The following NGEF variants were observed in gnomAD, a reference collection of about 807,000 sequenced individuals.
NGEF encodes neuronal guanine nucleotide exchange factor, also known as ephexin-1.
A neutral mutation model predicts 80.9 loss-of-function variants in NGEF; 31 were observed. The ratio of observed to expected loss-of-function variants is 0.38; its 90% confidence interval spans 0.29 to 0.52. The LOEUF (loss-of-function observed/expected upper bound fraction) is 0.52. NGEF is among the 20% of genes least tolerant of loss of function. The probability of loss-of-function intolerance (pLI) is 0.84; values close to 1 mark genes in which losing one functional copy is unlikely to be tolerated. For missense variants in NGEF, 709 were observed against 926.2 expected (o/e 0.77, Z 3.04); for synonymous variants, 371 against 370.2 (o/e 1.00, Z -0.03).
intron 5 of NGEF, among the ~76,000 whole-genome samples, chr2:232,907,860 G>A (rs906709677): frequency 2.0e-5 from 3 of 152,204 alleles, no homozygotes; most frequent in Admixed American, 6.5e-5. Context: ...TGTAATCCCC[G>A]CACTTTGGGA....
At chr2:232,976,378 C>T (rs1221686007) in intron 1 of NGEF, among the ~76,000 whole-genome samples, 1 of 152,118 alleles carries the variant, frequency 6.6e-6, no homozygotes, top group East Asian at 1.9e-4. Flanking sequence ...TCCACAGTCC[C>T]TCTGAGTTCC....
chr2:232,974,720 G>T lies in NGEF; in HGVS notation c.171C>A (p.Ile57=). The change falls in exon 2 of 15, where the codon ATC becomes ATA. Residue 57 remains isoleucine, a synonymous_variant. Transcript: ENST00000264051. ...TGAAGATGGAATTTCTCTTAATTGG[G>T]ATGTGGCAATGAGGCTCTTTGTCTT... ...DIQDKEPHCH[I]PIKRNSIFNR... is the part of the protein sequence containing the mutation. 2 of 1,614,246 alleles carry T rather than the reference G, an allele frequency of 1.2e-6. No individual in the cohort carries two copies. Among genetic ancestry groups the T allele is most frequent in the Admixed American group, 3.3e-5 (2 of 60,030 alleles).
At chr2:232,888,149 G>A (rs781040996) in intron 8 of NGEF, 42 bp from the exon 9 acceptor site, 2 of 1,478,610 alleles carry the variant, frequency 1.4e-6, no homozygotes, top group African/African-American at 2.8e-5. Context: ...ATCTTTTCTG[G>A]TCTTTCCTCC....
intron 3 of NGEF, among the ~76,000 whole-genome samples, chr2:232,951,947 G>A (rs776319492): frequency 1.3e-5 from 2 of 152,116 alleles, no homozygotes; most frequent in Admixed American, 6.5e-5. Flanking sequence ...CAGTGGAGAC[G>A]TTTCTGCCAC....
At chr2:232,921,176 G>A (rs757718776) in intron 4 of NGEF, among the ~76,000 whole-genome samples, 36 of 152,278 alleles carry the variant, frequency 2.4e-4, no homozygotes, top group South Asian at 4.1e-4. Flanking sequence ...ATTTGGGGGC[G>A]CAGCTGAATC....
chr2:232,910,694 T>C (rs1439424287), intron 5 of NGEF, among the ~76,000 whole-genome samples: 4 of 152,246 alleles, frequency 2.6e-5, no homozygotes, highest in Non-Finnish European at 5.9e-5. Flanking sequence ...AGGAGAGTTT[T>C]AGCAATGTTT....
At chr2:232,887,951 T>C (rs753984181) in intron 9 of NGEF, 82 bp downstream of exon 9, 169 of 1,022,894 alleles carry the variant, frequency 1.7e-4, no homozygotes, top group Non-Finnish European at 2.5e-4. Context: ...CACACGGACA[T>C]GTGGGGAGCA....
chr2:232,927,241 C>A, intron 3 of NGEF, 55 bp from the exon 4 acceptor site: 1 of 1,502,270 alleles, frequency 6.7e-7, no homozygotes, highest in Admixed American at 2.2e-5. Flanking sequence ...GGATTCACCT[C>A]GGCTGGCTAG....
At chr2:232,924,667 G>A (rs780033846) in intron 4 of NGEF, among the ~76,000 whole-genome samples, 9 of 152,196 alleles carry the variant, frequency 5.9e-5, no homozygotes, top group Non-Finnish European at 1.3e-4. Flanking sequence ...AGGAGGCAAA[G>A]CAGCCAGGTG....
chr2:232,955,962 C>T (rs1425887025), intron 3 of NGEF, among the ~76,000 whole-genome samples: 1 of 152,136 alleles, frequency 6.6e-6, no homozygotes, highest in Non-Finnish European at 1.5e-5. Flanking sequence ...GTTAGTTTGG[C>T]GTGTTTTTGA....
chr2:232,963,347 G>T (rs923986935), intron 3 of NGEF, among the ~76,000 whole-genome samples: 8 of 151,846 alleles, frequency 5.3e-5, no homozygotes, highest in Non-Finnish European at 1.2e-4. Flanking sequence ...AGATCTATAT[G>T]GACCATAGAC....
intron 1 of NGEF, chr2:233,012,824 T>C (rs1389153876): frequency 2.1e-6 from 1 of 470,830 alleles, no homozygotes; most frequent in Non-Finnish European, 4.4e-6. Flanking sequence ...GAAGAGCGCC[T>C]GGAAGGAGTC....
At chr2:232,992,989 G>GTA (rs142264252) in intron 1 of NGEF, among the ~76,000 whole-genome samples, 42,731 of 120,774 alleles carry the variant, frequency 0.35, 8,060 homozygotes, top group East Asian at 0.82. Context: ...CCTGCCTGAA[G>GTA]TATATATATA....
chr2:232,927,759 A>C, intron 3 of NGEF: 1 of 447,684 alleles, frequency 2.2e-6, no homozygotes. Context: ...CGGGGGTGGG[A>C]GTAGGGGCGG....
At chr2:232,919,829 C>A (rs1379682526) in intron 5 of NGEF, among the ~76,000 whole-genome samples, 2 of 152,154 alleles carry the variant, frequency 1.3e-5, no homozygotes, top group African/African-American at 4.8e-5. Context: ...TCAGAGACCC[C>A]ATTCATCCGA....
intron 3 of NGEF, among the ~76,000 whole-genome samples, chr2:232,930,695 A>G (rs1388515974): frequency 6.6e-6 from 1 of 151,512 alleles, no homozygotes; most frequent in Non-Finnish European, 1.5e-5. Context: ...ATCCACCCTC[A>G]TGGCCTTGCC....
At chr2:232,913,790 C>T (rs1342602114) in intron 5 of NGEF, among the ~76,000 whole-genome samples, 2 of 151,796 alleles carry the variant, frequency 1.3e-5, no homozygotes, top group African/African-American at 2.4e-5. Flanking sequence ...CGTGGTGGCA[C>T]GTGCCTGTAA....
In NGEF at chr2:232,976,133, G is replaced by T. The variant is rs898612149; in HGVS notation, c.-74-1169C>A. Among the ~76,000 whole-genome samples, 140 of 152,238 alleles carry T rather than the reference G, an allele frequency of 9.2e-4. 1 individual carries two copies. Among genetic ancestry groups the T allele is most frequent in the African/African-American group, 3.3e-3 (136 of 41,560 alleles). On this transcript the variant is annotated intron_variant, in intron 1 of 14. Transcript: ENST00000264051. Reference sequence around the variant, plus strand: ...GGAGAATCGCTTGAATCTGGGAGGTGGAGGTTGCCATAAGCAGAGATCTTG... The same window carrying T: ...GGAGAATCGCTTGAATCTGGGAGGTTGAGGTTGCCATAAGCAGAGATCTTG...
At chr2:232,993,672 C>T (rs926702183) in intron 1 of NGEF, among the ~76,000 whole-genome samples, 4 of 152,158 alleles carry the variant, frequency 2.6e-5, no homozygotes, top group Non-Finnish European at 1.5e-5. Context: ...ACACCAAGAA[C>T]GTCTGTCAGC....
Sources: gnomAD v4.1 joint callset for allele counts (sites outside exome capture counted in the v4.1 genomes callset) on GRCh38, gnomAD v4.1.1 for gene constraint, MANE v1.5 for transcripts, NCBI Gene and HGNC (gene_info 2026-07-23, HGNC 2026-07-21) for gene names.